Variants in DCUN1D1 observed in about 807,000 individuals in gnomAD.
DCUN1D1 encodes the protein DCN1-like protein 1.
In DCUN1D1, 3 loss-of-function variants were observed where a neutral mutation model predicts 39.0. That is an observed-to-expected ratio of 0.08 (90% confidence interval 0.04 to 0.20). The LOEUF (loss-of-function observed/expected upper bound fraction) is 0.20, where lower values mean the gene tolerates loss of function less well. DCUN1D1 is among the 10% of genes least tolerant of loss of function. The probability of loss-of-function intolerance (pLI) is 1.00; values close to 1 mark genes in which losing one functional copy is unlikely to be tolerated. For missense variants in DCUN1D1, 158 were observed against 302.4 expected (o/e 0.52, Z 3.54); for synonymous variants, 82 against 96.3 (o/e 0.85, Z 0.87).
chr3:182,964,965 T>C (rs547965487), intron 2 of DCUN1D1, among the ~76,000 whole-genome samples: 1 of 152,290 alleles, frequency 6.6e-6, no homozygotes, highest in African/African-American at 2.4e-5. Flanking sequence ...AAAAGTAATC[T>C]GGCAATATTT....
intron 4 of DCUN1D1, among the ~76,000 whole-genome samples, chr3:182,954,587 AT>A (rs1204659809): frequency 5.3e-5 from 8 of 151,912 alleles, no homozygotes; most frequent in African/African-American, 1.9e-4. Context: ...AATTCTATGC[AT>A]TTTTTTCTGT....
intron 3 of DCUN1D1, 115 bp from the exon 4 acceptor site, chr3:182,961,471 A>G: frequency 2.1e-6 from 2 of 971,150 alleles, no homozygotes; most frequent in Non-Finnish European, 3.1e-6. Flanking sequence ...TAAAAATCAA[A>G]TAGTTCGAAT....
At chr3:182,975,700 A>G (rs1445843306) in intron 1 of DCUN1D1, among the ~76,000 whole-genome samples, 1 of 151,380 alleles carries the variant, frequency 6.6e-6, no homozygotes, top group Non-Finnish European at 1.5e-5. Context: ...AAAAAAAACA[A>G]AAACAAAAAA....
At chr3:182,965,069 C>A (rs1440649155) in intron 2 of DCUN1D1, among the ~76,000 whole-genome samples, 1 of 152,166 alleles carries the variant, frequency 6.6e-6, no homozygotes, top group Non-Finnish European at 1.5e-5. Context: ...GAAAGAAACT[C>A]TGTAAATATA....
chr3:182,962,294 T>A (rs926816002), intron 3 of DCUN1D1, among the ~76,000 whole-genome samples: 8 of 152,208 alleles, frequency 5.3e-5, no homozygotes, highest in Admixed American at 4.6e-4. Flanking sequence ...TTTAAACCTA[T>A]CCTTCTTTGC....
intron 3 of DCUN1D1, 72 bp downstream of exon 3, chr3:182,963,809 C>T: frequency 7.8e-7 from 1 of 1,290,224 alleles, no homozygotes; most frequent in African/African-American, 1.5e-5. Context: ...TTTAAATTTA[C>T]ACTAAAAAGT....
intron 4 of DCUN1D1, among the ~76,000 whole-genome samples, chr3:182,956,723 A>C (rs1261966079): frequency 1.3e-5 from 2 of 152,260 alleles, no homozygotes; most frequent in Non-Finnish European, 2.9e-5. Flanking sequence ...GCTGAACCAC[A>C]ACCTACAAGA....
At chr3:182,961,380 A>G in intron 3 of DCUN1D1, 24 bp from the exon 4 acceptor site, 4 of 1,563,684 alleles carry the variant, frequency 2.6e-6, no homozygotes, top group Non-Finnish European at 3.5e-6. Context: ...TTAAGTTTAT[A>G]AAAGATTAAC....
At position 182,959,348 on chromosome 3, in the gene DCUN1D1, T is replaced by C. The variant is rs556989285; in HGVS notation, c.520+1878A>G. Among the ~76,000 whole-genome samples the C allele has an allele frequency of 1.6e-4, 25 of 152,214 alleles. 1 individual carries two copies. The East Asian group carries it at 4.8e-3, about 29-fold the overall frequency. On this transcript the variant is annotated intron_variant, in intron 4 of 6. Coordinates refer to ENST00000292782, the MANE Select transcript of DCUN1D1 (RefSeq NM_020640.4). ...TACCACATTACAAAGGTTATACATT[T>C]ATCCCTTCCTCTCTACCTTTCCGTC...
Position 182,944,880 on chromosome 3 carries a change from T to G in DCUN1D1, c.*214A>C. The G allele has an allele frequency of 2.1e-6, 1 of 471,474 alleles. No homozygotes were observed. The highest frequency in any genetic ancestry group is 3.8e-6 in the Non-Finnish European group (1 of 265,128). 29.2% of individuals were successfully genotyped at this position (471,474 alleles called of 1,614,324 possible). A position where few individuals can be genotyped will look rare whatever the true frequency, so the allele number is the denominator to read the frequency against. ...TCCACAATGTTGGAATTATAAATGTTTAGAGCGGCCCAGACTAGAAGACAA... is the reference window on the plus strand; with the variant it reads ...TCCACAATGTTGGAATTATAAATGTGTAGAGCGGCCCAGACTAGAAGACAA... On this transcript the variant is annotated 3_prime_UTR_variant, in exon 7 of 7. Transcript: ENST00000292782.
chr3:182,952,344 TA>T (rs968561990), intron 4 of DCUN1D1, among the ~76,000 whole-genome samples: 2 of 152,184 alleles, frequency 1.3e-5, no homozygotes, highest in Non-Finnish European at 2.9e-5. Flanking sequence ...GTGTCAACAA[TA>T]ACCACTTTTC....
intron 1 of DCUN1D1, among the ~76,000 whole-genome samples, chr3:182,978,472 C>T (rs73066931): frequency 0.018 from 2,794 of 152,236 alleles, 99 homozygotes; most frequent in African/African-American, 0.065. Context: ...AACCTCCCAG[C>T]TCAAGTAATC....
chr3:182,963,964 C>T lies in DCUN1D1; in HGVS notation c.306G>A (p.Val102=), dbSNP rs1334206681. Residue 102 remains valine, a synonymous_variant, in exon 3 of 7, where the codon GTG becomes GTA. Transcript: ENST00000292782. ...DLALDPASIS[V]LIIAWKFRAA... ...CTCTGAACTTCCACGCAATAATCAA[C>T]ACACTAATGCTGGCTGGATCGAGTG... 1 of 1,613,974 alleles carries T rather than the reference C, an allele frequency of 6.2e-7. No homozygotes were observed. Among genetic ancestry groups the T allele is most frequent in the Non-Finnish European group, 8.5e-7 (1 of 1,179,970 alleles).
At chr3:182,968,792 G>T (rs1182486480) in intron 1 of DCUN1D1, among the ~76,000 whole-genome samples, 1 of 152,024 alleles carries the variant, frequency 6.6e-6, no homozygotes, top group Non-Finnish European at 1.5e-5. Flanking sequence ...TAGAGATGGG[G>T]TTTTGCCATG....
rs530469889 is a variant in DCUN1D1 at position 182,964,453 on chromosome 3, T to G, written c.221-404A>C. ...TCATTTTACCACAACAATTACTTCT[T>G]AAGAGTATCAGAAAAACTGTGACCT... is the stretch of plus-strand genomic sequence containing the variant. On this transcript the variant is annotated intron_variant, in intron 2 of 6. Coordinates refer to ENST00000292782, the MANE Select transcript of DCUN1D1 (RefSeq NM_020640.4). Among the ~76,000 whole-genome samples the G allele has an allele frequency of 2.3e-4, 35 of 152,220 alleles. No homozygotes were observed. In the South Asian group the frequency reaches 6.2e-3, roughly 27 times the overall value.
intron 3 of DCUN1D1, among the ~76,000 whole-genome samples, chr3:182,963,346 C>T (rs1424550876): frequency 6.6e-6 from 1 of 152,154 alleles, no homozygotes; most frequent in African/African-American, 2.4e-5. Context: ...GAAAGGGCAG[C>T]TTGTTACCTA....
At chr3:182,966,019 C>G (rs1276376882) in intron 1 of DCUN1D1, among the ~76,000 whole-genome samples, 1 of 152,006 alleles carries the variant, frequency 6.6e-6, no homozygotes, top group Admixed American at 6.6e-5. Flanking sequence ...TACAGTGGGT[C>G]CTGAGAGCAT....
intron 4 of DCUN1D1, among the ~76,000 whole-genome samples, chr3:182,951,636 A>C (rs987586458): frequency 6.7e-6 from 1 of 148,396 alleles, no homozygotes; most frequent in Non-Finnish European, 1.5e-5. Context: ...AAAAAAAAAA[A>C]AAAAAAAAAA....
chr3:182,978,898 AGGTGATGAGTATTTCC>A (rs1728375361), intron 1 of DCUN1D1, among the ~76,000 whole-genome samples: 1 of 152,206 alleles, frequency 6.6e-6, no homozygotes, highest in African/African-American at 2.4e-5. Context: ...ATTCCTGAAC[AGGTGATGAGTATTTCC>A]GGGACCCCAC....
Sources: gnomAD v4.1 joint callset for allele counts (sites outside exome capture counted in the v4.1 genomes callset) on GRCh38, gnomAD v4.1.1 for gene constraint, MANE v1.5 for transcripts, NCBI Gene and HGNC (gene_info 2026-07-23, HGNC 2026-07-21) for gene names.